SLC9B2: variants seen among roughly 807,000 people sequenced by gnomAD.
The protein encoded by SLC9B2 is solute carrier family 9 member B2, also known as sodium/hydrogen exchanger 9B2.
In SLC9B2, 39 loss-of-function variants were observed where a neutral mutation model predicts 52.2. That is an observed-to-expected ratio of 0.75 (90% CI 0.58 to 0.98). SLC9B2 has a LOEUF of 0.98. SLC9B2 is among the 50% of genes least tolerant of loss of function. The pLI, the probability that SLC9B2 is intolerant of heterozygous loss-of-function variation, is 0.00. For synonymous variants in SLC9B2, 214 were observed against 227.0 expected, an observed-to-expected ratio of 0.94 and a Z score of 0.51; for missense variants, 626 against 637.5, an observed-to-expected ratio of 0.98 and a Z score of 0.19.
chr4:103,026,729 C>G (rs1742253557), intron 11 of SLC9B2, 138 bp from the exon 12 acceptor site: 1 of 711,846 alleles, frequency 1.4e-6, no homozygotes, highest in Non-Finnish European at 2.3e-6. Flanking sequence ...GGAGATATAC[C>G]TAATGCTAAA....
downstream of SLC9B2, chr4:103,020,409 C>G (rs199919777): frequency 4.8e-6 from 2 of 420,578 alleles, no homozygotes; most frequent in Non-Finnish European, 4.6e-6. Flanking sequence ...ACAAAAACAA[C>G]TGTTATTGGA....
intron 3 of SLC9B2, among the ~76,000 whole-genome samples, chr4:103,064,609 T>C (rs1745939912): frequency 6.6e-6 from 1 of 152,112 alleles, no homozygotes; most frequent in Admixed American, 6.5e-5. Context: ...AGGAATAAGG[T>C]ATTGTATACC....
intron 6 of SLC9B2, among the ~76,000 whole-genome samples, chr4:103,047,858 C>T (rs1210640911): frequency 6.6e-6 from 1 of 152,118 alleles, no homozygotes; most frequent in Non-Finnish European, 1.5e-5. Flanking sequence ...ATGTGTAAAA[C>T]TTCTACAGAA....
chr4:103,058,860 G>A (rs564065840), intron 3 of SLC9B2, among the ~76,000 whole-genome samples: 89 of 152,088 alleles, frequency 5.9e-4, no homozygotes, highest in Non-Finnish European at 8.7e-4. Flanking sequence ...TCAGGAGTTC[G>A]AAACCAGCCT....
Position 103,026,208 on chromosome 4 carries a change from C to A in SLC9B2, c.*162G>T. 1.7e-6 allele frequency: 1 copy of A among 590,238 alleles called. No homozygotes were observed. Among genetic ancestry groups the A allele is most frequent in the Non-Finnish European group, 2.9e-6 (1 of 344,896 alleles). 36.6% of individuals were successfully genotyped at this position (590,238 alleles called of 1,614,324 possible). A position where few individuals can be genotyped will look rare whatever the true frequency, so the allele number is the denominator to read the frequency against. Reference sequence around the variant, plus strand: ...TTAAGGTTGGTGATATAGATCATTACCACCCACATGGAAAGAGCAAGGGCT... The same window carrying A: ...TTAAGGTTGGTGATATAGATCATTAACACCCACATGGAAAGAGCAAGGGCT... On this transcript the variant is annotated 3_prime_UTR_variant, in exon 12 of 12. Transcript: ENST00000394785.
chr4:103,044,733 C>G (rs1255610475), intron 8 of SLC9B2, among the ~76,000 whole-genome samples, 157 bp downstream of exon 8: 1 of 152,128 alleles, frequency 6.6e-6, no homozygotes, highest in African/African-American at 2.4e-5. Flanking sequence ...CTATATTGAG[C>G]CCACTTCATA....
chr4:103,045,577 G>A (rs555381726), intron 7 of SLC9B2, among the ~76,000 whole-genome samples: 1 of 152,122 alleles, frequency 6.6e-6, no homozygotes, highest in South Asian at 2.1e-4. Context: ...AAGTCTAGCA[G>A]GGCTCAGATC....
chr4:103,029,078 G>A (rs1323999237), intron 10 of SLC9B2, among the ~76,000 whole-genome samples, 195 bp from the exon 11 acceptor site: 1 of 151,990 alleles, frequency 6.6e-6, no homozygotes, highest in Non-Finnish European at 1.5e-5. Flanking sequence ...TTAAAATAAG[G>A]TGTTTCTGTA....
chr4:103,065,461 A>G (rs1454161696), intron 3 of SLC9B2: 1 of 152,216 alleles, frequency 6.6e-6, no homozygotes, highest in Admixed American at 6.5e-5. Context: ...ACATACTTCA[A>G]AACATCATGT....
chr4:103,028,848 T>C lies in SLC9B2; in HGVS notation c.1291A>G (p.Ile431Val). 6.2e-7 allele frequency: 1 copy of C among 1,607,950 alleles called. No homozygotes were observed. Residue 431 changes from isoleucine (I) to valine (V), a missense_variant, in exon 11 of 12, where the codon ATA (isoleucine) becomes GTA (valine). Transcript: ENST00000394785. ...ATCAGAAATGTAGTCAAAATTCGTA[T>C]CAATACTGCAATGCCTACGGTGGCA... ...CVATVGIAVL[I>V]RILTTFLMVC...
intron 9 of SLC9B2, among the ~76,000 whole-genome samples, chr4:103,033,935 T>C (rs193209463): frequency 3.9e-5 from 6 of 152,282 alleles, no homozygotes; most frequent in Admixed American, 2.6e-4. Context: ...ATGACATTTT[T>C]CACAGAATTA....
chr4:103,058,109 T>C, intron 3 of SLC9B2, 138 bp from the exon 4 acceptor site: 1 of 828,094 alleles, frequency 1.2e-6, no homozygotes, highest in Non-Finnish European at 1.9e-6. Flanking sequence ...GTAAAGAGTA[T>C]CAGTAAGATG....
chr4:103,062,716 T>C (rs545331967), intron 3 of SLC9B2, among the ~76,000 whole-genome samples: 1 of 152,308 alleles, frequency 6.6e-6, no homozygotes, highest in East Asian at 1.9e-4. Context: ...GTTCAAGTGA[T>C]TCTCCTGTCT....
intron 1 of SLC9B2, among the ~76,000 whole-genome samples, chr4:103,072,090 G>A (rs578166467): frequency 8.7e-5 from 9 of 103,450 alleles, no homozygotes; most frequent in African/African-American, 4.5e-4. Flanking sequence ...GTGGAGTTTC[G>A]CTCTTTTGCC....
intron 9 of SLC9B2, among the ~76,000 whole-genome samples, chr4:103,036,569 C>T (rs984612386): frequency 6.8e-6 from 1 of 146,996 alleles, no homozygotes; most frequent in Non-Finnish European, 1.5e-5. Flanking sequence ...ACAACTAATT[C>T]ACAGAAGAAG....
intron 4 of SLC9B2, among the ~76,000 whole-genome samples, chr4:103,056,045 C>T (rs1211790438): frequency 6.6e-6 from 1 of 152,070 alleles, no homozygotes; most frequent in Non-Finnish European, 1.5e-5. Context: ...ACCTCGTGAT[C>T]TGCCCGGCTT....
Position 103,072,056 on chromosome 4 carries a change from G to GTTTTTTTTTTTTTTTTTTTTTT in SLC9B2, c.-43+4127_-43+4128insAAAAAAAAAAAAAAAAAAAAAA, listed in dbSNP as rs779979130. ...CAAAATTTTCAAGTTTGGCTTTCAT[G>GTTTTTTTTTTTTTTTTTTTTTT]TTTTTTTTTTTTTTTTTTTTGAGGT... On this transcript the variant is annotated intron_variant, in intron 1 of 11. Transcript: ENST00000394785. Among the ~76,000 whole-genome samples, 105 of 95,322 alleles carry GTTTTTTTTTTTTTTTTTTTTTT rather than the reference G, an allele frequency of 1.1e-3. 17 individuals carry two copies. The highest frequency in any genetic ancestry group is 4.1e-3 in the African/African-American group (90 of 21,822). The allele number at this position is 95,322 out of a possible 152,430, so 62.5% of individuals were successfully genotyped here.
At chr4:103,070,015 C>A (rs1190537380) in intron 1 of SLC9B2, among the ~76,000 whole-genome samples, 1 of 152,150 alleles carries the variant, frequency 6.6e-6, no homozygotes, top group Non-Finnish European at 1.5e-5. Context: ...CAGAAAAGTT[C>A]CCTATTCTCC....
intron 8 of SLC9B2, among the ~76,000 whole-genome samples, chr4:103,044,484 C>A (rs968310164): frequency 6.6e-6 from 1 of 152,112 alleles, no homozygotes; most frequent in African/African-American, 2.4e-5. Context: ...CCAGAGGGAT[C>A]CTTTTGCCTC....
Sources: gnomAD v4.1 joint callset for allele counts (sites outside exome capture counted in the v4.1 genomes callset) on GRCh38, gnomAD v4.1.1 for gene constraint, MANE v1.5 for transcripts, NCBI Gene and HGNC (gene_info 2026-07-23, HGNC 2026-07-21) for gene names.